The following SLC35D2 variants were observed in gnomAD, a reference collection of about 807,000 sequenced individuals.
SLC35D2 encodes nucleotide sugar transporter SLC35D2.
Under a neutral mutation model 41.8 loss-of-function variants are expected in SLC35D2, and 43 were observed. The observed-to-expected ratio is 1.03, with a 90% confidence interval of 0.81 to 1.33. SLC35D2 has a LOEUF of 1.33. Ranked by LOEUF, SLC35D2 falls within the 40% of genes most tolerant of loss-of-function variation. SLC35D2 has a pLI of 0.00. For synonymous variants in SLC35D2, 150 were observed against 163.9 expected, an observed-to-expected ratio of 0.92 and a Z score of 0.65; for missense variants, 380 against 408.4, an observed-to-expected ratio of 0.93 and a Z score of 0.60.
chr9:96,351,090 T>A lies in SLC35D2; in HGVS notation c.488+13A>T. On this transcript the variant is annotated intron_variant, in intron 6 of 11. Coordinates refer to ENST00000253270, the MANE Select transcript of SLC35D2 (RefSeq NM_007001.3). The stretch of plus-strand genomic sequence containing the variant: ...CAAAGAAGTTATTGAGCAGAAACAG[T>A]CCAAAGTCTTACCCAGCTGCTATGA... 6.3e-7 allele frequency: 1 copy of A among 1,598,284 alleles called. No homozygotes were observed. Among genetic ancestry groups the A allele is most frequent in the Non-Finnish European group, 8.6e-7 (1 of 1,165,802 alleles).
intron 3 of SLC35D2, among the ~76,000 whole-genome samples, chr9:96,360,628 C>CAAAA (rs906000581): frequency 3.8e-4 from 6 of 15,698 alleles, no homozygotes; most frequent in African/African-American, 7.7e-4. Context: ...GACTTCATCT[C>CAAAA]AAAAAAAAAA....
chr9:96,366,333 A>AAAAAT (rs1179840736), intron 2 of SLC35D2, among the ~76,000 whole-genome samples: 1 of 151,544 alleles, frequency 6.6e-6, no homozygotes, highest in Non-Finnish European at 1.5e-5. Flanking sequence ...GGAAGAAAAT[A>AAAAAT]AAAATAAAAT....
chr9:96,352,129 G>A lies in SLC35D2; in HGVS notation c.348-20C>T. 6.3e-7 allele frequency: 1 copy of A among 1,580,912 alleles called. No homozygotes were observed. The highest frequency in any genetic ancestry group is 1.1e-5 in the South Asian group (1 of 89,418). On this transcript the variant is annotated intron_variant, in intron 4 of 11. Transcript: ENST00000253270. The stretch of plus-strand genomic sequence containing the variant: ...GGTAGGCTGCCAGGAAAAGAGTGAA[G>A]CATGTCAGACACCAAGGGTTGGTTG...
intron 1 of SLC35D2, among the ~76,000 whole-genome samples, chr9:96,372,738 C>A (rs1830761936): frequency 6.6e-6 from 1 of 151,106 alleles, no homozygotes; most frequent in Non-Finnish European, 1.5e-5. Context: ...GCGCGCACCA[C>A]CACGCCTGCC....
At chr9:96,356,397 T>G (rs1321977074) in intron 4 of SLC35D2, among the ~76,000 whole-genome samples, 1 of 150,762 alleles carries the variant, frequency 6.6e-6, no homozygotes, top group Non-Finnish European at 1.5e-5. Context: ...TTTTTTTTTT[T>G]TTTTTTGCAG....
In SLC35D2 at chr9:96,382,490, C is replaced by T. The variant is rs1485281108; in HGVS notation, c.158+987G>A. ...ATACACACACACACACACACACACA[C>T]ACACACTATATATATATATATATAT... On this transcript the variant is annotated intron_variant, in intron 1 of 11. Coordinates refer to ENST00000253270, the MANE Select transcript of SLC35D2 (RefSeq NM_007001.3). Among the ~76,000 whole-genome samples the T allele has an allele frequency of 2.8e-5, 4 of 144,940 alleles. No individual in the cohort carries two copies. In the South Asian group the frequency reaches 6.5e-4, roughly 24 times the overall value.
rs1491320526 is a variant in SLC35D2, at chr9:96,358,078, T to TATATATATATATATA, written c.347+2075_347+2076insTATATATATATATAT. The stretch of plus-strand genomic sequence containing the variant: ...AAATGGATAAACAAAATATTATATA[T>TATATATATATATATA]TTTATATATATATATATATATATAT... On this transcript the variant is annotated intron_variant, in intron 4 of 11. Coordinates refer to ENST00000253270, the MANE Select transcript of SLC35D2 (RefSeq NM_007001.3). Among the ~76,000 whole-genome samples, 124 of 79,164 alleles carry TATATATATATATATA rather than the reference T, an allele frequency of 1.6e-3. 2 individuals carry two copies. The highest frequency in any genetic ancestry group is 7.9e-3 in the African/African-American group (117 of 14,878). The allele number at this position is 79,164 out of a possible 152,430, so 51.9% of individuals were successfully genotyped here. A position where few individuals can be genotyped will look rare whatever the true frequency, so the allele number is the denominator to read the frequency against.
At chr9:96,335,085 G>A (rs773887791) in intron 9 of SLC35D2, among the ~76,000 whole-genome samples, 5 of 152,166 alleles carry the variant, frequency 3.3e-5, no homozygotes, top group African/African-American at 1.2e-4. Context: ...AAGAGGTCAG[G>A]AGTTGTCTTT....
intron 1 of SLC35D2, among the ~76,000 whole-genome samples, chr9:96,381,542 T>C (rs1384456289): frequency 6.6e-6 from 1 of 152,174 alleles, no homozygotes; most frequent in Non-Finnish European, 1.5e-5. Context: ...CTGATCACGC[T>C]CACACTGCAT....
chr9:96,361,282 G>A (rs970675841), intron 3 of SLC35D2, among the ~76,000 whole-genome samples: 2 of 152,142 alleles, frequency 1.3e-5, no homozygotes, highest in African/African-American at 2.4e-5. Context: ...ATATGTTGAA[G>A]CCCTAATCCC....
rs545303420 is a variant in SLC35D2 at position 96,383,459 on chromosome 9, C to G, written c.158+18G>C. The G allele has an allele frequency of 2.9e-5, 44 of 1,518,352 alleles. No individual in the cohort carries two copies. The African/African-American group carries it at 4.9e-4, about 17-fold the overall frequency. 94.1% of individuals were successfully genotyped at this position (1,518,352 alleles called of 1,614,324 possible). ...CCCCGCACTCCCGCAGACCCCCCGGCCCCGGGCCCCGCCTCACCCGTAGGT... is the reference window on the plus strand; with the variant it reads ...CCCCGCACTCCCGCAGACCCCCCGGGCCCGGGCCCCGCCTCACCCGTAGGT... On this transcript the variant is annotated intron_variant, in intron 1 of 11. Transcript: ENST00000253270.
intron 4 of SLC35D2, among the ~76,000 whole-genome samples, chr9:96,355,294 C>T (rs185718362): frequency 2.0e-5 from 3 of 151,792 alleles, no homozygotes; most frequent in East Asian, 2.0e-4. Flanking sequence ...GCTGGGACTA[C>T]AGACGTAAGC....
At chr9:96,322,721 T>G (rs976012548) in intron 10 of SLC35D2, among the ~76,000 whole-genome samples, 1 of 141,254 alleles carries the variant, frequency 7.1e-6, no homozygotes, top group Non-Finnish European at 1.5e-5. Context: ...TCTGGGGTTT[T>G]TTTTTTTTTT....
chr9:96,357,791 C>T (rs1830088281), intron 4 of SLC35D2, among the ~76,000 whole-genome samples: 1 of 151,904 alleles, frequency 6.6e-6, no homozygotes, highest in Non-Finnish European at 1.5e-5. Flanking sequence ...GTAATCCCAA[C>T]ACTTTGGGAG....
At chr9:96,340,929 G>A (rs534215875) in intron 8 of SLC35D2, among the ~76,000 whole-genome samples, 24 of 152,090 alleles carry the variant, frequency 1.6e-4, no homozygotes, top group African/African-American at 4.8e-4. Context: ...GTAAATATTC[G>A]GATATTCCAG....
chr9:96,375,387 G>A (rs1473492306), intron 1 of SLC35D2, among the ~76,000 whole-genome samples: 2 of 151,336 alleles, frequency 1.3e-5, no homozygotes, highest in African/African-American at 4.9e-5. Flanking sequence ...AAACCAGACT[G>A]GCCAACATGA....
chr9:96,357,728 T>C (rs1367162461), intron 4 of SLC35D2, among the ~76,000 whole-genome samples: 1 of 151,878 alleles, frequency 6.6e-6, no homozygotes, highest in Admixed American at 6.6e-5. Context: ...ATAGAAAAAC[T>C]GGAATTCATA....
chr9:96,350,346 C>T (rs899405238), intron 6 of SLC35D2, among the ~76,000 whole-genome samples: 85 of 130,542 alleles, frequency 6.5e-4, no homozygotes, highest in Admixed American at 1.6e-3. Context: ...AATTTTCTTT[C>T]CTTTTTTTTT....
At chr9:96,332,395 C>T (rs1234119207) in intron 9 of SLC35D2, among the ~76,000 whole-genome samples, 1 of 152,124 alleles carries the variant, frequency 6.6e-6, no homozygotes, top group Non-Finnish European at 1.5e-5. Flanking sequence ...TGAGAAACTA[C>T]AAGAAAGCAG....
Sources: allele counts gnomAD v4.1 joint callset (sites outside exome capture counted in the v4.1 genomes callset), GRCh38; gene constraint gnomAD v4.1.1; transcripts MANE v1.5; gene names NCBI Gene and HGNC (gene_info 2026-07-23, HGNC 2026-07-21).